The following EFCAB5 variants were observed in gnomAD, a reference collection of about 807,000 sequenced individuals.
EFCAB5 encodes the protein EF-hand calcium-binding domain-containing protein 5.
A neutral mutation model predicts 167.9 loss-of-function variants in EFCAB5; 131 were observed. The ratio of observed to expected loss-of-function variants is 0.78; its 90% CI spans 0.68 to 0.90. EFCAB5 has a LOEUF of 0.90. Among genes scored for constraint, EFCAB5 ranks in the 40% least tolerant of loss-of-function variants. The probability of loss-of-function intolerance (pLI) is 0.00; values close to 1 mark genes in which losing one functional copy is unlikely to be tolerated. For missense variants in EFCAB5, 1,663 were observed against 1,745.2 expected (o/e 0.95, Z 0.84); for synonymous variants, 574 against 602.8 (o/e 0.95, Z 0.70).
chr17:30,035,892 C>T (rs1290559921), intron 8 of EFCAB5, among the ~76,000 whole-genome samples: 1 of 151,474 alleles, frequency 6.6e-6, no homozygotes, highest in African/African-American at 2.4e-5. Flanking sequence ...CATATTTTAA[C>T]CCCTTCAGAG....
At chr17:30,092,349 C>T (rs2071216489) in intron 21 of EFCAB5, among the ~76,000 whole-genome samples, 192 bp downstream of exon 21, 1 of 152,118 alleles carries the variant, frequency 6.6e-6, no homozygotes, top group South Asian at 2.1e-4. Flanking sequence ...CCTTTGTACC[C>T]TTCCTCATCA....
chr17:29,943,551 TCCTCTTTTCAAAGA>T lies in EFCAB5; in HGVS notation c.106-10_109del. On this transcript the variant is annotated splice_acceptor_variant and splice_polypyrimidine_tract_variant and coding_sequence_variant and intron_variant, in exon 3 of 23. Coordinates refer to ENST00000394835, the MANE Select transcript of EFCAB5 (RefSeq NM_198529.4). LOFTEE classifies it high-confidence loss of function. ...GTCACATTGAAATTGGTGATTTTTT[TCCTCTTTTCAAAGA>T]CCTTACAGAGTGTGCCAGACGTTCC... The T allele has an allele frequency of 6.4e-7, 1 of 1,556,494 alleles. No homozygotes were observed. The highest frequency in any genetic ancestry group is 8.7e-7 in the Non-Finnish European group (1 of 1,149,982).
rs543119665 is a variant in EFCAB5 at position 30,093,106 on chromosome 17, G to A, written c.4321+170G>A. Among the ~76,000 whole-genome samples, 171 of 152,256 alleles carry A rather than the reference G, an allele frequency of 1.1e-3. 1 individual carries two copies. The highest frequency in any genetic ancestry group is 2.5e-3 in the Admixed American group (38 of 15,290). On this transcript the variant is annotated intron_variant, in intron 22 of 22. Transcript: ENST00000394835. ...GTAATCTATTGCATCATTCCCCAAA[G>A]TCATTGTCTATGCCACATTTTGAGA... is the stretch of plus-strand genomic sequence containing the variant.
chr17:30,088,875 G>A (rs1224562610), intron 19 of EFCAB5, among the ~76,000 whole-genome samples: 2 of 152,152 alleles, frequency 1.3e-5, no homozygotes, highest in African/African-American at 4.8e-5. Flanking sequence ...TATTCCTTGT[G>A]CTGGTCAAAA....
At chr17:30,081,176 C>T (rs900503153) in intron 17 of EFCAB5, among the ~76,000 whole-genome samples, 195 bp downstream of exon 17, 1 of 152,200 alleles carries the variant, frequency 6.6e-6, no homozygotes, top group Non-Finnish European at 1.5e-5. Flanking sequence ...CTTTCAGCCT[C>T]AGTTACATAT....
chr17:30,056,854 T>C (rs1024993874), intron 12 of EFCAB5, among the ~76,000 whole-genome samples: 6 of 152,182 alleles, frequency 3.9e-5, no homozygotes, highest in African/African-American at 1.2e-4. Context: ...TCTTGCAGCC[T>C]GCTAGTTCAT....
At chr17:29,935,364 G>T (rs2067236663) in intron 1 of EFCAB5, among the ~76,000 whole-genome samples, 1 of 152,076 alleles carries the variant, frequency 6.6e-6, no homozygotes, top group Admixed American at 6.5e-5. Context: ...TTTGAGAGCA[G>T]CCTGGGCAGC....
intron 22 of EFCAB5, among the ~76,000 whole-genome samples, chr17:30,106,945 GA>G (rs2071457180): frequency 6.6e-6 from 1 of 152,016 alleles, no homozygotes; most frequent in Admixed American, 6.6e-5. Flanking sequence ...TGTCTCAAAA[GA>G]AAAAAACAAT....
chr17:29,947,592 C>G (rs951626155), intron 3 of EFCAB5, among the ~76,000 whole-genome samples: 3 of 152,148 alleles, frequency 2.0e-5, no homozygotes, highest in Non-Finnish European at 4.4e-5. Flanking sequence ...AAGAACCAAA[C>G]TTTCCAACAC....
At chr17:29,993,795 C>A (rs913615981) in intron 5 of EFCAB5, among the ~76,000 whole-genome samples, 1 of 152,018 alleles carries the variant, frequency 6.6e-6, no homozygotes, top group Non-Finnish European at 1.5e-5. Context: ...TCAAGGAAGA[C>A]AAGCCACAGA....
At chr17:30,091,481 G>A (rs1055419860) in intron 20 of EFCAB5, among the ~76,000 whole-genome samples, 15 of 152,158 alleles carry the variant, frequency 9.9e-5, no homozygotes, top group Non-Finnish European at 4.4e-5. Context: ...CTGTAACTAA[G>A]CACTTTTACA....
At chr17:29,959,176 C>T (rs1291433594) in intron 3 of EFCAB5, among the ~76,000 whole-genome samples, 1 of 151,952 alleles carries the variant, frequency 6.6e-6, no homozygotes, top group Non-Finnish European at 1.5e-5. Context: ...TTATTCAAGG[C>T]CCAAGGGCTC....
At chr17:29,987,629 C>A (rs930145067) in intron 4 of EFCAB5, among the ~76,000 whole-genome samples, 1 of 152,136 alleles carries the variant, frequency 6.6e-6, no homozygotes, top group African/African-American at 2.4e-5. Context: ...CCTGTTTTCC[C>A]CCCTCTGCTT....
chr17:30,069,721 C>T, intron 14 of EFCAB5: 1 of 1,003,980 alleles, frequency 1.0e-6, no homozygotes. Flanking sequence ...CTCATGTACC[C>T]CCGGTGCTGG....
intron 18 of EFCAB5, among the ~76,000 whole-genome samples, chr17:30,086,582 C>T (rs1009168646): frequency 2.8e-5 from 4 of 142,328 alleles, no homozygotes; most frequent in Non-Finnish European, 4.7e-5. Context: ...CCTGTCTCTA[C>T]TAAAGATACA....
intron 14 of EFCAB5, among the ~76,000 whole-genome samples, chr17:30,075,467 A>G (rs2070850158): frequency 6.6e-6 from 1 of 152,064 alleles, no homozygotes; most frequent in South Asian, 2.1e-4. Flanking sequence ...CCCCCAGCCT[A>G]TGTGGATGGC....
chr17:30,014,372 G>T (rs184701863), intron 7 of EFCAB5, among the ~76,000 whole-genome samples: 1 of 152,044 alleles, frequency 6.6e-6, no homozygotes, highest in Non-Finnish European at 1.5e-5. Flanking sequence ...AACCTGTCTC[G>T]TTGATCTGTC....
At chr17:29,944,627 G>T (rs9901694) in intron 3 of EFCAB5, among the ~76,000 whole-genome samples, 68,572 of 140,326 alleles carry the variant, frequency 0.49, 16,936 homozygotes, top group East Asian at 0.68. Flanking sequence ...GTTTTGTTTT[G>T]TTTTTTTTTT....
chr17:30,103,560 G>C (rs1049517472), intron 22 of EFCAB5, among the ~76,000 whole-genome samples: 1 of 152,128 alleles, frequency 6.6e-6, no homozygotes, highest in Non-Finnish European at 1.5e-5. Context: ...AGAGAAAAAT[G>C]TGTTTTTAAC....
Sources: gnomAD v4.1 joint callset for allele counts (sites outside exome capture counted in the v4.1 genomes callset) on GRCh38, gnomAD v4.1.1 for gene constraint, MANE v1.5 for transcripts, NCBI Gene and HGNC (gene_info 2026-07-23, HGNC 2026-07-21) for gene names.